FRMD4A: variants seen among roughly 807,000 people sequenced by gnomAD.
FRMD4A encodes the protein FERM domain containing 4A, also known as FERM domain-containing protein 4A.
Under a neutral mutation model 129.1 loss-of-function variants are expected in FRMD4A, and 29 were observed. The ratio of observed to expected loss-of-function variants is 0.22; its 90% CI spans 0.17 to 0.31. The LOEUF (loss-of-function observed/expected upper bound fraction) is 0.31. Among genes scored for constraint, FRMD4A ranks in the 10% least tolerant of loss-of-function variants. The pLI is 1.00. For synonymous variants in FRMD4A, 634 were observed against 571.6 expected, an observed-to-expected ratio of 1.11 and a Z score of -1.56; for missense variants, 1,272 against 1,375.8, an observed-to-expected ratio of 0.92 and a Z score of 1.19.
At chr10:14,130,397 A>G (rs773090306) in intron 2 of FRMD4A, among the ~76,000 whole-genome samples, 1 of 152,140 alleles carries the variant, frequency 6.6e-6, no homozygotes, top group East Asian at 1.9e-4. Context: ...AGTAGCTGGG[A>G]CTGCAGGTGC....
intron 2 of FRMD4A, among the ~76,000 whole-genome samples, chr10:13,912,567 C>T (rs373697882): frequency 7.2e-6 from 1 of 139,382 alleles, no homozygotes; most frequent in Non-Finnish European, 1.5e-5. Context: ...CTCGCTCTGT[C>T]GCCCAGGCTA....
chr10:13,823,267 G>T lies in FRMD4A; in HGVS notation c.112-12359C>A, dbSNP rs368656801. Among the ~76,000 whole-genome samples the T allele has an allele frequency of 5.3e-5, 8 of 152,286 alleles. No homozygotes were observed. The East Asian group carries it at 1.3e-3, about 26-fold the overall frequency. ...GATCCCCGGGGGACTCTGGGAGGCG[G>T]GCAGGTGTTCATTAGGGAGGCCTCC... On this transcript the variant is annotated intron_variant, in intron 3 of 24. Transcript: ENST00000357447.
At chr10:14,119,995 CTTTT>C (rs34292351) in intron 2 of FRMD4A, among the ~76,000 whole-genome samples, 1 of 131,210 alleles carries the variant, frequency 7.6e-6, no homozygotes, top group Admixed American at 7.7e-5. Flanking sequence ...ATGTCATCTG[CTTTT>C]TTTTTTTTTT....
chr10:14,316,237 T>C (rs1203004405), intron 2 of FRMD4A, among the ~76,000 whole-genome samples: 1 of 152,118 alleles, frequency 6.6e-6, no homozygotes, highest in African/African-American at 2.4e-5. Flanking sequence ...TTAATTGTCA[T>C]TGTAACAATA....
At chr10:13,878,786 GA>G (rs2094515821) in intron 2 of FRMD4A, among the ~76,000 whole-genome samples, 1 of 140,738 alleles carries the variant, frequency 7.1e-6, no homozygotes, top group African/African-American at 2.7e-5. Context: ...GAGAGAGAGA[GA>G]GAAAGAGAGA....
intron 2 of FRMD4A, among the ~76,000 whole-genome samples, chr10:14,248,045 C>T (rs1844307160): frequency 6.6e-6 from 1 of 152,224 alleles, no homozygotes; most frequent in Non-Finnish European, 1.5e-5. Context: ...ACCCCTGGCA[C>T]CTCAGCGGGT....
At chr10:13,753,235 G>C (rs564133991) in intron 8 of FRMD4A, among the ~76,000 whole-genome samples, 3 of 152,084 alleles carry the variant, frequency 2.0e-5, no homozygotes, top group African/African-American at 7.2e-5. Flanking sequence ...TGAAGCTGAG[G>C]TTACAACAAA....
intron 3 of FRMD4A, among the ~76,000 whole-genome samples, chr10:13,831,199 A>G (rs2093785089): frequency 6.6e-6 from 1 of 152,220 alleles, no homozygotes; most frequent in Non-Finnish European, 1.5e-5. Context: ...GTGGAGTTTT[A>G]GACCAAACGC....
chr10:13,979,099 TCTC>T (rs1253387414), intron 2 of FRMD4A, among the ~76,000 whole-genome samples: 3 of 152,218 alleles, frequency 2.0e-5, no homozygotes, highest in African/African-American at 7.2e-5. Flanking sequence ...CTTTTCTTAA[TCTC>T]CTGTTATTTG....
At chr10:14,011,260 T>C (rs1042809166) in intron 2 of FRMD4A, among the ~76,000 whole-genome samples, 1 of 152,158 alleles carries the variant, frequency 6.6e-6, no homozygotes, top group African/African-American at 2.4e-5. Flanking sequence ...AATTGTTAGA[T>C]TGAGCAATTT....
chr10:14,172,657 C>T (rs1380624539), intron 2 of FRMD4A, among the ~76,000 whole-genome samples: 3 of 152,200 alleles, frequency 2.0e-5, no homozygotes, highest in Admixed American at 6.5e-5. Flanking sequence ...AGCATTCAAA[C>T]CTCATCCTGT....
intron 2 of FRMD4A, among the ~76,000 whole-genome samples, chr10:14,253,302 T>G (rs1218374): frequency 0.62 from 94,753 of 152,082 alleles, 30,775 homozygotes; most frequent in African/African-American, 0.82. Context: ...AATAGTGAAT[T>G]CCTCTCCTAT....
intron 2 of FRMD4A, among the ~76,000 whole-genome samples, chr10:14,199,012 C>T (rs1041240009): frequency 6.6e-6 from 1 of 152,098 alleles, no homozygotes; most frequent in African/African-American, 2.4e-5. Flanking sequence ...TACATTTAAG[C>T]TCCTTGTTTC....
intron 2 of FRMD4A, among the ~76,000 whole-genome samples, chr10:14,244,604 C>T (rs1844168083): frequency 6.6e-6 from 1 of 152,170 alleles, no homozygotes; most frequent in Non-Finnish European, 1.5e-5. Flanking sequence ...TTAGCCTAGC[C>T]TACTTTTACT....
At chr10:13,711,365 C>A (rs886486549) in intron 12 of FRMD4A, among the ~76,000 whole-genome samples, 15 of 152,362 alleles carry the variant, frequency 9.8e-5, no homozygotes, top group African/African-American at 3.4e-4. Flanking sequence ...CCTTTGTAAA[C>A]AGGGTAAGGT....
intron 12 of FRMD4A, among the ~76,000 whole-genome samples, chr10:13,734,525 A>G (rs191082591): frequency 1.2e-3 from 186 of 152,022 alleles, no homozygotes; most frequent in Non-Finnish European, 1.8e-3. Context: ...TACCCCTGTC[A>G]CTGTGATTTC....
intron 3 of FRMD4A, among the ~76,000 whole-genome samples, chr10:13,857,472 G>C (rs1444785137): frequency 2.6e-5 from 4 of 152,146 alleles, no homozygotes; most frequent in Non-Finnish European, 1.5e-5. Context: ...ACTTGAATTA[G>C]TGTCATGTGC....
At chr10:13,864,413 A>G (rs2094337539) in intron 2 of FRMD4A, among the ~76,000 whole-genome samples, 1 of 151,418 alleles carries the variant, frequency 6.6e-6, no homozygotes, top group Non-Finnish European at 1.5e-5. Context: ...TTTGAATTCA[A>G]AAAAAAGTCA....
chr10:14,286,356 G>A lies in FRMD4A; in HGVS notation c.45+43702C>T, dbSNP rs1022286591. Among the ~76,000 whole-genome samples, 8 of 152,158 alleles carry A rather than the reference G, an allele frequency of 5.3e-5. 1 individual carries two copies. Among genetic ancestry groups the A allele is most frequent in the Admixed American group, 6.5e-5 (1 of 15,278 alleles). ...CATGGGAAGGACGAGACGCTCCCGT[G>A]TCCCTCAGCAATATTGCCAAACCTC... is the stretch of plus-strand genomic sequence containing the variant. On this transcript the variant is annotated intron_variant, in intron 2 of 24. Coordinates refer to ENST00000357447, the MANE Select transcript of FRMD4A (RefSeq NM_018027.5).
Sources: allele counts gnomAD v4.1 joint callset (sites outside exome capture counted in the v4.1 genomes callset), GRCh38; gene constraint gnomAD v4.1.1; transcripts MANE v1.5; gene names NCBI Gene and HGNC (gene_info 2026-07-23, HGNC 2026-07-21).